The following LARGE1 variants were observed in gnomAD, a reference collection of about 807,000 sequenced individuals.
LARGE1 encodes LARGE xylosyl- and glucuronyltransferase 1, also known as xylosyl- and glucuronyltransferase LARGE1.
LARGE1 carries 43 observed loss-of-function variants against 87.6 expected under a neutral mutation model. The ratio of observed to expected loss-of-function variants is 0.49; its 90% CI spans 0.38 to 0.63. The LOEUF (loss-of-function observed/expected upper bound fraction) is 0.63. Among genes scored for constraint, LARGE1 ranks in the 30% least tolerant of loss-of-function variants. The pLI, the probability that LARGE1 is intolerant of heterozygous loss-of-function variation, is 0.00. For synonymous variants in LARGE1, 434 were observed against 394.6 expected, an observed-to-expected ratio of 1.10 and a Z score of -1.18; for missense variants, 802 against 1,000.2, an observed-to-expected ratio of 0.80 and a Z score of 2.67.
chr22:33,589,278 T>A (rs1442358341), intron 5 of LARGE1, among the ~76,000 whole-genome samples: 1 of 152,212 alleles, frequency 6.6e-6, no homozygotes, highest in Non-Finnish European at 1.5e-5. Flanking sequence ...GGATCTGTCA[T>A]GAGATTTCAA....
chr22:33,587,735 A>AT (rs5845098), intron 5 of LARGE1, among the ~76,000 whole-genome samples: 90 of 148,028 alleles, frequency 6.1e-4, no homozygotes, highest in Non-Finnish European at 1.0e-3. Flanking sequence ...TTCCTTTAAG[A>AT]TTTTTTTTTT....
At chr22:33,173,233 C>A (rs1002608510) in intron 11 of LARGE1, among the ~76,000 whole-genome samples, 6 of 152,162 alleles carry the variant, frequency 3.9e-5, no homozygotes, top group African/African-American at 1.4e-4. Context: ...GAATTTTCAA[C>A]CCAGAATTTC....
chr22:33,588,385 A>T (rs984456221), intron 5 of LARGE1, among the ~76,000 whole-genome samples: 2 of 152,224 alleles, frequency 1.3e-5, no homozygotes, highest in African/African-American at 4.8e-5. Context: ...TTGAGATGCT[A>T]ACTGAGCTCT....
chr22:33,115,079 G>T, the LARGE1 span, among the ~76,000 whole-genome samples: 1 of 152,040 alleles, frequency 6.6e-6, no homozygotes, highest in Non-Finnish European at 1.5e-5. Context: ...ATGAATGTTT[G>T]GTGTGTGTCG....
At chr22:33,301,782 C>T (rs1028083040) in intron 12 of LARGE1, among the ~76,000 whole-genome samples, 6 of 152,182 alleles carry the variant, frequency 3.9e-5, no homozygotes, top group Non-Finnish European at 5.9e-5. Context: ...AGTGACTCTG[C>T]ATTAAGCAAG....
At chr22:33,768,306 GA>G (rs1013522670) in intron 1 of LARGE1, among the ~76,000 whole-genome samples, 5 of 150,652 alleles carry the variant, frequency 3.3e-5, no homozygotes, top group East Asian at 1.9e-4. Flanking sequence ...CCACTCCAAA[GA>G]AAAAAAAACC....
chr22:33,316,275 C>T, intron 10 of LARGE1, 27 bp from the exon 11 acceptor site: 1 of 1,610,990 alleles, frequency 6.2e-7, no homozygotes, highest in East Asian at 2.2e-5. Context: ...AGGGCTTGGG[C>T]ACGTGAAGAA....
chr22:33,872,710 A>G (rs776550319), intron 1 of LARGE1, among the ~76,000 whole-genome samples: 1 of 152,284 alleles, frequency 6.6e-6, no homozygotes, highest in East Asian at 1.9e-4. Flanking sequence ...CACGGAAAAG[A>G]GCCATGGCCA....
intron 1 of LARGE1, among the ~76,000 whole-genome samples, chr22:33,863,517 G>A (rs2063993986): frequency 6.6e-6 from 1 of 151,896 alleles, no homozygotes; most frequent in Non-Finnish European, 1.5e-5. Context: ...CCCAACACTG[G>A]GAGGCCGAGG....
intron 6 of LARGE1, among the ~76,000 whole-genome samples, chr22:33,437,220 G>A (rs2067302517): frequency 6.6e-6 from 1 of 152,138 alleles, no homozygotes; most frequent in Non-Finnish European, 1.5e-5. Context: ...CAGGGTGACT[G>A]GCACATAATA....
chr22:33,905,873 T>C (rs1302519704), intron 1 of LARGE1, among the ~76,000 whole-genome samples: 1 of 152,176 alleles, frequency 6.6e-6, no homozygotes, highest in Non-Finnish European at 1.5e-5. Flanking sequence ...CTCATACCTG[T>C]AATCCCAGCA....
chr22:33,226,917 G>C (rs1177711520), intron 11 of LARGE1, among the ~76,000 whole-genome samples: 1 of 151,998 alleles, frequency 6.6e-6, no homozygotes, highest in Non-Finnish European at 1.5e-5. Context: ...TTTTAGTAGA[G>C]ACGGGGTTTC....
At chr22:33,272,498 T>G (rs1287588921), downstream of LARGE1, among the ~76,000 whole-genome samples, 1 of 152,226 alleles carries the variant, frequency 6.6e-6, no homozygotes, top group Non-Finnish European at 1.5e-5. Flanking sequence ...AAATTGGACT[T>G]TGACATGTAC....
chr22:33,355,526 C>A (rs999712421), intron 9 of LARGE1, among the ~76,000 whole-genome samples: 1 of 152,182 alleles, frequency 6.6e-6, no homozygotes, highest in Non-Finnish European at 1.5e-5. Context: ...TTCGTGATAA[C>A]TGGAAAATTA....
intron 2 of LARGE1, among the ~76,000 whole-genome samples, chr22:33,741,603 G>A (rs1012246487): frequency 1.2e-4 from 19 of 152,198 alleles, no homozygotes; most frequent in Admixed American, 3.3e-4. Context: ...TTGGAGTTGC[G>A]AGAAGAGCAG....
At chr22:33,318,123 C>T (rs1273537486) in intron 10 of LARGE1, among the ~76,000 whole-genome samples, 1 of 151,742 alleles carries the variant, frequency 6.6e-6, no homozygotes, top group African/African-American at 2.4e-5. Flanking sequence ...CTAATCCCAG[C>T]TACTCGGGAG....
intron 11 of LARGE1, among the ~76,000 whole-genome samples, chr22:33,198,362 C>G (rs1418928576): frequency 1.3e-5 from 2 of 151,950 alleles, no homozygotes; most frequent in African/African-American, 4.8e-5. Flanking sequence ...ACTCTGCCAC[C>G]TGGGCTGGAG....
chr22:33,792,454 A>G (rs1025538086), intron 1 of LARGE1, among the ~76,000 whole-genome samples: 3 of 152,120 alleles, frequency 2.0e-5, no homozygotes, highest in Non-Finnish European at 4.4e-5. Flanking sequence ...TGAACTGTGA[A>G]TCAATTAAAC....
intron 1 of LARGE1, among the ~76,000 whole-genome samples, chr22:33,848,754 C>T (rs1261461443): frequency 2.0e-5 from 3 of 152,198 alleles, no homozygotes; most frequent in African/African-American, 7.2e-5. Context: ...TTTAATGGAT[C>T]CCAGAGGGCC....
Sources: allele counts gnomAD v4.1 joint callset (sites outside exome capture counted in the v4.1 genomes callset), GRCh38; gene constraint gnomAD v4.1.1; transcripts MANE v1.5; gene names NCBI Gene and HGNC (gene_info 2026-07-23, HGNC 2026-07-21).